The following ADAMTSL1 variants were observed in gnomAD, a reference collection of about 807,000 sequenced individuals.
The protein encoded by ADAMTSL1 is ADAMTS-like protein 1.
ADAMTSL1 carries 126 observed loss-of-function variants against 201.8 expected under a neutral mutation model. The observed-to-expected ratio is 0.62, with a 90% CI of 0.54 to 0.72. ADAMTSL1 has a LOEUF of 0.72. Among genes scored for constraint, ADAMTSL1 ranks in the 30% least tolerant of loss-of-function variants. The pLI is 0.00. For synonymous variants in ADAMTSL1, 1,121 were observed against 903.4 expected, an observed-to-expected ratio of 1.24 and a Z score of -4.32; for missense variants, 2,679 against 2,277.8, an observed-to-expected ratio of 1.18 and a Z score of -3.59.
intron 26 of ADAMTSL1, among the ~76,000 whole-genome samples, chr9:18,898,995 G>A (rs1829835651): frequency 6.6e-6 from 1 of 152,172 alleles, no homozygotes; most frequent in Non-Finnish European, 1.5e-5. Context: ...CAAATAGAGA[G>A]GAAGTCAAAT....
chr9:18,689,629 C>T lies in ADAMTSL1; in HGVS notation c.1574+4829C>T, dbSNP rs141416378. 2.0e-4 allele frequency among the ~76,000 whole-genome samples: 30 copies of T among 152,306 alleles called. No homozygotes were observed. The East Asian group carries it at 5.6e-3, about 28-fold the overall frequency. ...CAGGTAGAGAAAGTGAGGACCAGTG[C>T]GGCACTTAGGGAAGCCAGGTTCTTC... On this transcript the variant is annotated intron_variant, in intron 13 of 28. Transcript: ENST00000380548.
intron 1 of ADAMTSL1, among the ~76,000 whole-genome samples, chr9:18,154,979 T>C (rs568016229): frequency 6.6e-6 from 1 of 151,980 alleles, no homozygotes; most frequent in Non-Finnish European, 1.5e-5. Context: ...GAGTGTATGG[T>C]GAGGGTTGCT....
At chr9:17,946,930 G>T (rs1385310267) in intron 1 of ADAMTSL1, among the ~76,000 whole-genome samples, 1 of 151,998 alleles carries the variant, frequency 6.6e-6, no homozygotes. Flanking sequence ...GTGGATTTGT[G>T]TACAAAAACA....
chr9:18,078,135 T>C (rs941693820), intron 1 of ADAMTSL1, among the ~76,000 whole-genome samples: 1 of 152,192 alleles, frequency 6.6e-6, no homozygotes, highest in Non-Finnish European at 1.5e-5. Context: ...GAGAGCCCAT[T>C]TGGGGCTTGT....
At chr9:18,245,750 C>T (rs1831238745) in intron 2 of ADAMTSL1, among the ~76,000 whole-genome samples, 1 of 151,146 alleles carries the variant, frequency 6.6e-6, no homozygotes, top group African/African-American at 2.4e-5. Flanking sequence ...GCAAAGGAAT[C>T]TGGTCTAAAT....
At chr9:18,907,719 T>G (rs1031797744) in intron 28 of ADAMTSL1, 1 of 152,738 alleles carries the variant, frequency 6.5e-6, no homozygotes, top group Non-Finnish European at 1.5e-5. Context: ...ATCTTTGTAC[T>G]CGGGTAGTGT....
intron 3 of ADAMTSL1, among the ~76,000 whole-genome samples, chr9:18,557,339 C>T (rs1447178876): frequency 6.6e-6 from 1 of 152,014 alleles, no homozygotes; most frequent in East Asian, 1.9e-4. Flanking sequence ...CACCCATAGA[C>T]TTGGAGCTTT....
At chr9:18,691,096 CTT>C (rs1831186799) in intron 13 of ADAMTSL1, among the ~76,000 whole-genome samples, 1 of 152,166 alleles carries the variant, frequency 6.6e-6, no homozygotes, top group Admixed American at 6.5e-5. Flanking sequence ...AGCTAGCTGT[CTT>C]TAAGAAATGC....
At chr9:18,531,470 G>T (rs1407504768) in intron 2 of ADAMTSL1, among the ~76,000 whole-genome samples, 2 of 152,142 alleles carry the variant, frequency 1.3e-5, no homozygotes, top group East Asian at 1.9e-4. Context: ...TCTTTGTCAT[G>T]CTCCTTATTT....
intron 2 of ADAMTSL1, among the ~76,000 whole-genome samples, chr9:18,375,696 G>T (rs1205756603): frequency 1.3e-5 from 2 of 152,200 alleles, no homozygotes; most frequent in Non-Finnish European, 2.9e-5. Flanking sequence ...CAGCAGCAAG[G>T]TTTATTGTGG....
intron 2 of ADAMTSL1, among the ~76,000 whole-genome samples, chr9:18,290,995 A>T (rs1297160441): frequency 2.0e-5 from 3 of 151,934 alleles, no homozygotes; most frequent in African/African-American, 7.3e-5. Flanking sequence ...GTTAGCCAGG[A>T]TGGTCTCTGT....
At chr9:17,961,306 T>C (rs1006304054) in intron 1 of ADAMTSL1, among the ~76,000 whole-genome samples, 4 of 152,116 alleles carry the variant, frequency 2.6e-5, no homozygotes, top group African/African-American at 7.2e-5. Flanking sequence ...TGGAGTGTAA[T>C]GACGCAATCT....
At chr9:18,897,051 C>A (rs1265129294) in intron 26 of ADAMTSL1, among the ~76,000 whole-genome samples, 2 of 152,202 alleles carry the variant, frequency 1.3e-5, no homozygotes, top group African/African-American at 2.4e-5. Context: ...TTCTAGCCTG[C>A]CAGTTCCAGT....
At chr9:18,786,452 T>C (rs1821710999) in intron 19 of ADAMTSL1, among the ~76,000 whole-genome samples, 2 of 152,358 alleles carry the variant, frequency 1.3e-5, no homozygotes, top group African/African-American at 4.8e-5. Context: ...TTTATCTCTC[T>C]GAACCTTGGT....
chr9:18,023,242 A>T (rs1033822195), intron 1 of ADAMTSL1, among the ~76,000 whole-genome samples: 2 of 152,088 alleles, frequency 1.3e-5, no homozygotes, highest in African/African-American at 4.8e-5. Flanking sequence ...CTTAAAACAC[A>T]GATTGCTGGG....
chr9:18,825,043 A>G (rs898818943), intron 21 of ADAMTSL1, among the ~76,000 whole-genome samples: 2 of 152,120 alleles, frequency 1.3e-5, no homozygotes, highest in African/African-American at 4.8e-5. Context: ...AGTGAGTTCT[A>G]TAAATAAACT....
Position 18,731,838 on chromosome 9 carries a change from A to G in ADAMTSL1, c.2006+10173A>G, listed in dbSNP as rs187830419. ...TTTTAAATGACCAGATATCACAAGAACTCACTATCTTGAGGATGGTACCAA... is the reference window on the plus strand; with the variant it reads ...TTTTAAATGACCAGATATCACAAGAGCTCACTATCTTGAGGATGGTACCAA... On this transcript the variant is annotated intron_variant, in intron 15 of 28. Transcript: ENST00000380548. Among the ~76,000 whole-genome samples, 5 of 152,022 alleles carry G rather than the reference A, an allele frequency of 3.3e-5. No homozygotes were observed. The East Asian group carries it at 9.7e-4, about 30-fold the overall frequency.
At chr9:18,601,071 C>G (rs1824616870) in intron 4 of ADAMTSL1, among the ~76,000 whole-genome samples, 1 of 152,124 alleles carries the variant, frequency 6.6e-6, no homozygotes, top group East Asian at 1.9e-4. Context: ...TCTCAGTTTT[C>G]TCTATCTCCT....
intron 1 of ADAMTSL1, among the ~76,000 whole-genome samples, chr9:17,950,264 A>G (rs1827681500): frequency 6.6e-6 from 1 of 152,048 alleles, no homozygotes; most frequent in South Asian, 2.1e-4. Context: ...GAAAGGAAAA[A>G]CCATAGTACA....
Sources: gnomAD v4.1 joint callset for allele counts (sites outside exome capture counted in the v4.1 genomes callset) on GRCh38, gnomAD v4.1.1 for gene constraint, MANE v1.5 for transcripts, NCBI Gene and HGNC (gene_info 2026-07-23, HGNC 2026-07-21) for gene names.